The following SEC11C variants were observed in gnomAD, a reference collection of about 807,000 sequenced individuals.
SEC11C encodes the protein signal peptidase complex catalytic subunit SEC11C.
SEC11C carries 10 observed loss-of-function variants against 21.9 expected under a neutral mutation model. The observed-to-expected ratio is 0.46, with a 90% CI of 0.28 to 0.77. The LOEUF (loss-of-function observed/expected upper bound fraction) is 0.77. Among genes scored for constraint, SEC11C ranks in the 30% least tolerant of loss-of-function variants. SEC11C has a pLI of 0.12. For synonymous variants in SEC11C, 83 were observed against 85.6 expected (o/e 0.97, Z 0.17); for missense variants, 145 against 244.5 (o/e 0.59, Z 2.71).
chr18:59,139,895 A>G lies in SEC11C; in HGVS notation c.-54A>G, dbSNP rs1032589372. The G allele has an allele frequency of 6.7e-6, 9 of 1,339,814 alleles. No individual in the cohort carries two copies. Among genetic ancestry groups the G allele is most frequent in the Non-Finnish European group, 2.0e-6 (2 of 1,014,298 alleles). The allele number at this position is 1,339,814 out of a possible 1,614,324, so 83.0% of individuals were successfully genotyped here. A position where few individuals can be genotyped will look rare whatever the true frequency, so the allele number is the denominator to read the frequency against. On this transcript the variant is annotated 5_prime_UTR_variant, in exon 1 of 6. Transcript: ENST00000587834. ...GGGCGGGGGCCGGCAGGTGCTCCGC[A>G]GCCGTCTGTGCCACCCAGAGCCGGC...
intron 1 of SEC11C, among the ~76,000 whole-genome samples, chr18:59,144,603 G>T (rs1483414716): frequency 6.6e-6 from 1 of 152,020 alleles, no homozygotes; most frequent in Non-Finnish European, 1.5e-5. Flanking sequence ...GCACATGCCT[G>T]TAGTCCAGCC....
At chr18:59,152,884 A>T (rs2069375124) in intron 3 of SEC11C, 199 bp downstream of exon 3, 1 of 443,880 alleles carries the variant, frequency 2.3e-6, no homozygotes, top group African/African-American at 2.0e-5. Context: ...CAAAGTGATT[A>T]TGAGAATTAA....
rs1240713990 is a variant in SEC11C, at chr18:59,158,761, T to C, written c.*76T>C. On this transcript the variant is annotated 3_prime_UTR_variant, in exon 6 of 6. Coordinates refer to ENST00000587834, the MANE Select transcript of SEC11C (RefSeq NM_033280.4). ...AGAAAAACTAATATATTTGAGATGT[T>C]CCATTTTCTGTATAAAAGGGAACAG... 8.0e-7 allele frequency: 1 copy of C among 1,251,648 alleles called. No homozygotes were observed. The highest frequency in any genetic ancestry group is 1.5e-5 in the African/African-American group (1 of 67,380). 77.5% of individuals were successfully genotyped at this position (1,251,648 alleles called of 1,614,324 possible).
intron 2 of SEC11C, among the ~76,000 whole-genome samples, chr18:59,150,399 G>A (rs1253584606): frequency 6.6e-6 from 1 of 152,240 alleles, no homozygotes; most frequent in African/African-American, 2.4e-5. Context: ...ACCAGGCGTT[G>A]CCACCACCTC....
At chr18:59,151,459 T>C (rs2069353160) in intron 2 of SEC11C, among the ~76,000 whole-genome samples, 1 of 152,166 alleles carries the variant, frequency 6.6e-6, no homozygotes, top group African/African-American at 2.4e-5. Context: ...CTAGCCCTTT[T>C]CCCCCATCAT....
At chr18:59,149,973 C>G (rs10515977) in intron 2 of SEC11C, among the ~76,000 whole-genome samples, 18,975 of 151,618 alleles carry the variant, frequency 0.13, 1,738 homozygotes, top group East Asian at 0.39. Flanking sequence ...TTCTTTGTAC[C>G]AAACAGGCAG....
chr18:59,152,797 C>A (rs957986782), intron 3 of SEC11C, 112 bp downstream of exon 3: 2 of 914,584 alleles, frequency 2.2e-6, no homozygotes, highest in African/African-American at 1.7e-5. Flanking sequence ...GCCATTGACT[C>A]ACTGGGTGAC....
At chr18:59,143,413 A>C (rs1296298188) in intron 1 of SEC11C, among the ~76,000 whole-genome samples, 11 of 151,230 alleles carry the variant, frequency 7.3e-5, no homozygotes, top group Non-Finnish European at 1.6e-4. Flanking sequence ...TTATTTTCCT[A>C]TTTTGATTTA....
intron 1 of SEC11C, among the ~76,000 whole-genome samples, chr18:59,149,189 C>T (rs2069317016): frequency 6.6e-6 from 1 of 152,194 alleles, no homozygotes; most frequent in African/African-American, 2.4e-5. Flanking sequence ...GCTCTGGTGG[C>T]AGGCCTTGAG....
At chr18:59,148,604 C>A (rs1275035006) in intron 1 of SEC11C, among the ~76,000 whole-genome samples, 19 of 144,640 alleles carry the variant, frequency 1.3e-4, no homozygotes, top group Non-Finnish European at 2.7e-4. Flanking sequence ...TCGTGTGACC[C>A]TCCCACCTGT....
At chr18:59,141,900 T>C (rs955470717) in intron 1 of SEC11C, among the ~76,000 whole-genome samples, 1 of 152,246 alleles carries the variant, frequency 6.6e-6, no homozygotes, top group African/African-American at 2.4e-5. Context: ...CTGAAATGTT[T>C]GCTTAAAACT....
Position 59,149,536 on chromosome 18 carries a change from C to T in SEC11C, c.111C>T (p.Phe37=), listed in dbSNP as rs573800787. The T allele has an allele frequency of 2.5e-5, 40 of 1,610,410 alleles. No homozygotes were observed. Among genetic ancestry groups the T allele is most frequent in the South Asian group, 9.9e-5 (9 of 90,856 alleles). The change falls in exon 2 of 6, where the codon TTC becomes TTT. Residue 37 remains phenylalanine, a synonymous_variant. Coordinates refer to ENST00000587834, the MANE Select transcript of SEC11C (RefSeq NM_033280.4). Reference sequence around the variant, plus strand: ...AGCTCTATTACCAGGTTTTAAACTTCGCCATGATCGTGTCTTCTGCACTCA... The same window carrying T: ...AGCTCTATTACCAGGTTTTAAACTTTGCCATGATCGTGTCTTCTGCACTCA... ...KRQLYYQVLN[F]AMIVSSALMI...
chr18:59,146,050 C>A (rs182760434), intron 1 of SEC11C, among the ~76,000 whole-genome samples: 1 of 152,142 alleles, frequency 6.6e-6, no homozygotes, highest in Non-Finnish European at 1.5e-5. Context: ...GGCGCATGAC[C>A]GCCCAGAGTG....
chr18:59,153,015 CAG>C (rs759630090), intron 3 of SEC11C: 3 of 169,862 alleles, frequency 1.8e-5, no homozygotes, highest in Non-Finnish European at 2.5e-5. Context: ...CACATTGCAA[CAG>C]AGGATGGTTT....
intron 2 of SEC11C, among the ~76,000 whole-genome samples, chr18:59,151,785 TC>T (rs1190009003): frequency 6.6e-6 from 1 of 152,232 alleles, no homozygotes; most frequent in Non-Finnish European, 1.5e-5. Context: ...AAGCTGTATT[TC>T]TAGGTCTTAT....
At position 59,152,531 on chromosome 18, in the gene SEC11C, T is replaced by C. The variant is rs1254358998; in HGVS notation, c.198-5T>C. On this transcript the variant is annotated splice_polypyrimidine_tract_variant and splice_region_variant and intron_variant, in intron 2 of 5. Transcript: ENST00000587834. ...TGCTGATACTGACTTTGTGCTTCTT[T>C]CCAGTGGCAGTATGGAGCCGGCCTT... is the stretch of plus-strand genomic sequence containing the variant. 1.3e-6 allele frequency: 2 copies of C among 1,595,396 alleles called. No homozygotes were observed. Among genetic ancestry groups the C allele is most frequent in the Non-Finnish European group, 1.7e-6 (2 of 1,174,178 alleles).
At chr18:59,152,916 C>T in intron 3 of SEC11C, 2 of 342,972 alleles carry the variant, frequency 5.8e-6, no homozygotes, top group Non-Finnish European at 1.1e-5. Flanking sequence ...TTTACTAAAG[C>T]AATTCATAAA....
At chr18:59,155,605 G>A in intron 3 of SEC11C, 83 bp from the exon 4 acceptor site, 1 of 1,448,002 alleles carries the variant, frequency 6.9e-7, no homozygotes, top group Non-Finnish European at 9.4e-7. Context: ...CTGTCTGACA[G>A]TAAAGTCTTG....
chr18:59,145,484 A>G (rs2069263098), intron 1 of SEC11C, among the ~76,000 whole-genome samples: 1 of 152,214 alleles, frequency 6.6e-6, no homozygotes, highest in Admixed American at 6.5e-5. Context: ...CCTTCTGGGT[A>G]AAGGCCCTGG....
Sources: allele counts gnomAD v4.1 joint callset (sites outside exome capture counted in the v4.1 genomes callset), GRCh38; gene constraint gnomAD v4.1.1; transcripts MANE v1.5; gene names NCBI Gene and HGNC (gene_info 2026-07-23, HGNC 2026-07-21).